The following PLEKHH2 variants were observed in gnomAD, a reference collection of about 807,000 sequenced individuals.
PLEKHH2 encodes pleckstrin homology, MyTH4 and FERM domain containing H2.
Under a neutral mutation model 187.9 loss-of-function variants are expected in PLEKHH2, and 129 were observed. The observed-to-expected ratio is 0.69, with a 90% confidence interval of 0.59 to 0.79. The LOEUF is 0.79. Ranked by LOEUF, PLEKHH2 falls within the 30% of genes least tolerant of loss-of-function variation. The pLI is 0.00. For missense variants in PLEKHH2, 2,076 were observed against 1,751.2 expected (o/e 1.19, Z -3.31); for synonymous variants, 686 against 605.6 (o/e 1.13, Z -1.95).
chr2:43,712,278 G>A lies in PLEKHH2; in HGVS notation c.2355G>A (p.Leu785=), dbSNP rs1670003561. Reference sequence around the variant, plus strand: ...TGACTGCAGATTCTCCCAATATATTGGAAGAGTGGATTAAAGTGTTACAGA... The same window carrying A: ...TGACTGCAGATTCTCCCAATATATTAGAAGAGTGGATTAAAGTGTTACAGA... ...YYLTADSPNI[L]EEWIKVLQNV... Residue 785 remains leucine, a synonymous_variant, in exon 15 of 30, where the codon TTG becomes TTA. Coordinates refer to ENST00000282406, the MANE Select transcript of PLEKHH2 (RefSeq NM_172069.4). 6.2e-7 allele frequency: 1 copy of A among 1,613,434 alleles called. No homozygotes were observed. The highest frequency in any genetic ancestry group is 8.5e-7 in the Non-Finnish European group (1 of 1,179,400).
intron 15 of PLEKHH2, among the ~76,000 whole-genome samples, chr2:43,715,931 C>T (rs1670190119): frequency 6.6e-6 from 1 of 152,034 alleles, no homozygotes; most frequent in African/African-American, 2.4e-5. Context: ...AGCAGGGTAA[C>T]ACTTGTAAAT....
Position 43,731,616 on chromosome 2 carries a change from A to G in PLEKHH2, c.2943+14A>G. The G allele has an allele frequency of 1.4e-6, 2 of 1,426,782 alleles. No homozygotes were observed. The highest frequency in any genetic ancestry group is 1.9e-6 in the Non-Finnish European group (2 of 1,031,968). The allele number at this position is 1,426,782 out of a possible 1,614,324, so 88.4% of individuals were successfully genotyped here. ...AAATTATTTAAGGTAAAATATTTAT[A>G]TGTTGTTAAATGATTTAAGGTAAAA... On this transcript the variant is annotated intron_variant, in intron 19 of 29. Coordinates refer to ENST00000282406, the MANE Select transcript of PLEKHH2 (RefSeq NM_172069.4).
chr2:43,720,738 C>A lies in PLEKHH2; in HGVS notation c.2530C>A (p.Gln844Lys). The change falls in exon 16 of 30, where the codon CAA becomes AAA. Residue 844 changes from glutamine to lysine, a missense_variant. Physicochemically the swap from Gln to Lys is moderately conservative, Grantham distance 53 (BLOSUM62 1). Coordinates refer to ENST00000282406, the MANE Select transcript of PLEKHH2 (RefSeq NM_172069.4). ...IGKTLYYFRS[Q>K]EDKFPLGQIK... ...AAAGACATTATATTATTTTCGGAGT[C>A]AAGAAGATAAGGTATGTATGTATTT... 1 of 1,609,362 alleles carries A rather than the reference C, an allele frequency of 6.2e-7. No homozygotes were observed. The highest frequency in any genetic ancestry group is 1.1e-5 in the South Asian group (1 of 90,038).
intron 15 of PLEKHH2, among the ~76,000 whole-genome samples, chr2:43,720,044 C>T (rs1270357269): frequency 1.3e-5 from 2 of 152,192 alleles, no homozygotes; most frequent in Non-Finnish European, 2.9e-5. Context: ...AATTCTATTA[C>T]ATGCATTGAT....
At chr2:43,724,854 A>C (rs983858580) in intron 16 of PLEKHH2, among the ~76,000 whole-genome samples, 3 of 152,218 alleles carry the variant, frequency 2.0e-5, no homozygotes, top group African/African-American at 7.2e-5. Flanking sequence ...CTAGTTGCTT[A>C]ACTAAATAAT....
At chr2:43,683,904 G>A (rs912490523) in intron 3 of PLEKHH2, among the ~76,000 whole-genome samples, 3 of 151,942 alleles carry the variant, frequency 2.0e-5, no homozygotes, top group African/African-American at 7.3e-5. Flanking sequence ...CAGATTTACA[G>A]CAAAATTGAT....
intron 16 of PLEKHH2, 112 bp from the exon 17 acceptor site, chr2:43,726,159 TA>T: frequency 1.4e-6 from 1 of 732,244 alleles, no homozygotes; most frequent in Non-Finnish European, 2.1e-6. Context: ...AAAAATAAAG[TA>T]AAATTTTTAA....
At chr2:43,713,125 T>C (rs1195270288) in intron 15 of PLEKHH2, among the ~76,000 whole-genome samples, 2 of 116,216 alleles carry the variant, frequency 1.7e-5, no homozygotes, top group Non-Finnish European at 3.6e-5. Flanking sequence ...CACGCATATA[T>C]ATCTCCTTTG....
At position 43,666,194 on chromosome 2, in the gene PLEKHH2, C is replaced by T. The variant is rs796407598; in HGVS notation, c.124-12669C>T. ...TCTCGTGGTGCGCCGTTTTTTAAGC[C>T]GGTCTGAAAAGCGCAGTATTCGGGT... On this transcript the variant is annotated intron_variant, in intron 2 of 29. Coordinates refer to ENST00000282406, the MANE Select transcript of PLEKHH2 (RefSeq NM_172069.4). 2.3e-4 allele frequency among the ~76,000 whole-genome samples: 35 copies of T among 149,674 alleles called. 3 individuals are homozygous for T. The highest frequency in any genetic ancestry group is 8.6e-4 in the African/African-American group (34 of 39,682).
chr2:43,739,510 G>A (rs760450354), intron 20 of PLEKHH2, among the ~76,000 whole-genome samples: 3 of 152,172 alleles, frequency 2.0e-5, no homozygotes, highest in Non-Finnish European at 2.9e-5. Context: ...TTGTGAGACC[G>A]AAGCTTATAC....
rs191314831 is a variant in PLEKHH2 at position 43,651,632 on chromosome 2, T to C, written c.123+6836T>C. Reference sequence around the variant, plus strand: ...TCTGTATAACTATACACTGTGTGCGTCTGGCATATAAATTCTATAGCACCT... The same window carrying C: ...TCTGTATAACTATACACTGTGTGCGCCTGGCATATAAATTCTATAGCACCT... On this transcript the variant is annotated intron_variant, in intron 2 of 29. Transcript: ENST00000282406. Among the ~76,000 whole-genome samples the C allele has an allele frequency of 2.6e-4, 40 of 152,302 alleles. No homozygotes were observed. In the East Asian group the frequency reaches 7.7e-3, roughly 29 times the overall value.
chr2:43,685,674 T>C (rs1339128222), intron 3 of PLEKHH2, among the ~76,000 whole-genome samples: 3 of 149,816 alleles, frequency 2.0e-5, no homozygotes, highest in African/African-American at 7.4e-5. Context: ...ACTTGTCAGC[T>C]CAAGCAATCC....
intron 2 of PLEKHH2, among the ~76,000 whole-genome samples, chr2:43,670,840 TTA>T (rs2104400952): frequency 6.6e-6 from 1 of 152,334 alleles, no homozygotes; most frequent in East Asian, 1.9e-4. Flanking sequence ...TTAATTTTCC[TTA>T]TCAGTATATT....
intron 16 of PLEKHH2, among the ~76,000 whole-genome samples, chr2:43,725,155 T>C (rs2104555962): frequency 6.6e-6 from 1 of 152,284 alleles, no homozygotes; most frequent in African/African-American, 2.4e-5. Flanking sequence ...GTGTGCTATC[T>C]GTACAGAGCA....
intron 20 of PLEKHH2, among the ~76,000 whole-genome samples, chr2:43,740,292 A>C (rs1371984633): frequency 6.6e-6 from 1 of 152,220 alleles, no homozygotes; most frequent in African/African-American, 2.4e-5. Flanking sequence ...AGAAATTAAA[A>C]AAATTTTTTT....
At chr2:43,733,088 C>A (rs1458386872) in intron 19 of PLEKHH2, among the ~76,000 whole-genome samples, 1 of 152,170 alleles carries the variant, frequency 6.6e-6, no homozygotes, top group Non-Finnish European at 1.5e-5. Context: ...TGCAGCCGGG[C>A]GCAGTGGCTC....
intron 15 of PLEKHH2, among the ~76,000 whole-genome samples, chr2:43,718,212 GT>G (rs1670304924): frequency 6.6e-6 from 1 of 152,138 alleles, no homozygotes; most frequent in Admixed American, 6.6e-5. Flanking sequence ...AGTATAATTT[GT>G]TTTCTAGTTT....
Position 43,726,287 on chromosome 2 carries a change from A to T in PLEKHH2, c.2557A>T (p.Ile853Phe), listed in dbSNP as rs1409854568. Residue 853 changes from isoleucine (I) to phenylalanine (F), a missense_variant, in exon 17 of 30, where the codon ATC becomes TTC. Coordinates refer to ENST00000282406, the MANE Select transcript of PLEKHH2 (RefSeq NM_172069.4). Reference protein sequence around the residue: ...SQEDKFPLGQIKLWEAKVEEV... With the variant: ...SQEDKFPLGQFKLWEAKVEEV... ...TTTACTTTAGTTTCCTTTAGGTCAG[A>T]TCAAACTCTGGGAGGCTAAAGTGGA... 6.2e-7 allele frequency: 1 copy of T among 1,609,900 alleles called. No homozygotes were observed.
At chr2:43,666,792 A>T (rs929814429) in intron 2 of PLEKHH2, among the ~76,000 whole-genome samples, 5 of 152,166 alleles carry the variant, frequency 3.3e-5, no homozygotes, top group Admixed American at 6.5e-5. Flanking sequence ...TAGCATTTTT[A>T]AAAATGGGGT....
Sources: gnomAD v4.1 joint callset for allele counts (sites outside exome capture counted in the v4.1 genomes callset) on GRCh38, gnomAD v4.1.1 for gene constraint, MANE v1.5 for transcripts, NCBI Gene and HGNC (gene_info 2026-07-23, HGNC 2026-07-21) for gene names.